The following C7orf33 variants were observed in gnomAD, a reference collection of about 807,000 sequenced individuals.
C7orf33 encodes chromosome 7 open reading frame 33, also known as uncharacterized protein C7orf33.
C7orf33 carries 15 observed loss-of-function variants against 13.4 expected under a neutral mutation model. That is an observed-to-expected ratio of 1.12 (90% CI 0.75 to 1.72). The LOEUF (loss-of-function observed/expected upper bound fraction) is 1.72. C7orf33 is among the 40% of genes most tolerant of loss of function. C7orf33 has a pLI of 0.00. For synonymous variants in C7orf33, 73 were observed against 83.2 expected (o/e 0.88, Z 0.67); for missense variants, 187 against 220.3 (o/e 0.85, Z 0.96).
At chr7:148,595,297 A>G (rs906136260) in intron 1 of C7orf33, among the ~76,000 whole-genome samples, 3 of 141,608 alleles carry the variant, frequency 2.1e-5, no homozygotes, top group African/African-American at 7.8e-5. Context: ...TATATATTAT[A>G]TAGATATATA....
At chr7:148,607,641 C>T (rs1025381559) in intron 1 of C7orf33, among the ~76,000 whole-genome samples, 55 of 152,176 alleles carry the variant, frequency 3.6e-4, no homozygotes, top group African/African-American at 1.3e-3. Context: ...AAGACCACAG[C>T]CTTTAGAAAA....
intron 2 of C7orf33, among the ~76,000 whole-genome samples, chr7:148,615,020 G>A (rs537544111): frequency 6.6e-6 from 1 of 152,254 alleles, no homozygotes; most frequent in Non-Finnish European, 1.5e-5. Context: ...ACTGGTGGGA[G>A]CTGGTAGAGA....
chr7:148,598,757 TATATATAGAGAGAGAGAGAGAG>T (rs1429771118), intron 1 of C7orf33, among the ~76,000 whole-genome samples: 127 of 41,288 alleles, frequency 3.1e-3, no homozygotes, highest in African/African-American at 0.015. Context: ...TATATATATA[TATATATAGAGAGAGAGAGAGAG>T]AGAGAGAGAG....
chr7:148,611,014 T>C (rs1276153646), intron 1 of C7orf33, among the ~76,000 whole-genome samples: 2 of 152,138 alleles, frequency 1.3e-5, no homozygotes, highest in African/African-American at 4.8e-5. Flanking sequence ...TAAGATGGTA[T>C]GGGCAGGAGA....
chr7:148,596,934 C>G (rs1239474699), intron 1 of C7orf33, among the ~76,000 whole-genome samples: 3 of 152,182 alleles, frequency 2.0e-5, no homozygotes, highest in Non-Finnish European at 4.4e-5. Context: ...TTCAGATTGG[C>G]TTCTTTCACT....
chr7:148,606,583 AAAAC>A (rs1294817265), intron 1 of C7orf33, among the ~76,000 whole-genome samples: 1 of 152,044 alleles, frequency 6.6e-6, no homozygotes. Flanking sequence ...AGGTCTTTTA[AAAAC>A]AAACAAACAA....
intron 1 of C7orf33, among the ~76,000 whole-genome samples, chr7:148,600,707 T>A (rs1226477756): frequency 1.3e-5 from 2 of 152,172 alleles, no homozygotes; most frequent in Non-Finnish European, 2.9e-5. Flanking sequence ...TCTTTATCCA[T>A]TTTGCCAGGG....
At chr7:148,606,045 A>T (rs143685685) in intron 1 of C7orf33, among the ~76,000 whole-genome samples, 1 of 152,312 alleles carries the variant, frequency 6.6e-6, no homozygotes, top group African/African-American at 2.4e-5. Flanking sequence ...TGCAGGAATC[A>T]TCTGGGCAAG....
At chr7:148,609,874 C>A (rs1410719282) in intron 1 of C7orf33, among the ~76,000 whole-genome samples, 2 of 152,184 alleles carry the variant, frequency 1.3e-5, no homozygotes, top group Non-Finnish European at 2.9e-5. Context: ...CAGTGTCCCC[C>A]ACCTGGAGGG....
intron 1 of C7orf33, among the ~76,000 whole-genome samples, chr7:148,602,982 C>T (rs2116895583): frequency 6.6e-6 from 1 of 152,228 alleles, no homozygotes; most frequent in South Asian, 2.1e-4. Context: ...CTCCAAAAGG[C>T]ATAAAGATCA....
intron 1 of C7orf33, among the ~76,000 whole-genome samples, chr7:148,608,635 A>G (rs1585464344): frequency 6.6e-6 from 1 of 151,150 alleles, no homozygotes; most frequent in Non-Finnish European, 1.5e-5. Context: ...GCCAACATGG[A>G]GAAACCCCGT....
chr7:148,594,177 T>C (rs1161902233), intron 1 of C7orf33, among the ~76,000 whole-genome samples: 3 of 149,804 alleles, frequency 2.0e-5, no homozygotes, highest in East Asian at 1.9e-4. Flanking sequence ...TTTTCTTTTT[T>C]TTTTTTTTTT....
At chr7:148,595,361 C>CT (rs1796318564) in intron 1 of C7orf33, among the ~76,000 whole-genome samples, 4 of 130,200 alleles carry the variant, frequency 3.1e-5, no homozygotes, top group African/African-American at 1.2e-4. Flanking sequence ...ATAGATATAT[C>CT]AAATATAATA....
At chr7:148,613,188 C>G (rs1199336548) in intron 1 of C7orf33, among the ~76,000 whole-genome samples, 1 of 152,202 alleles carries the variant, frequency 6.6e-6, no homozygotes, top group Non-Finnish European at 1.5e-5. Context: ...CTGTTCCACT[C>G]TCTATTTCCA....
Position 148,596,954 on chromosome 7 carries a change from G to A in C7orf33, c.204+5825G>A, listed in dbSNP as rs150346451. ...ATTGGCTTCTTTCACTTAGCGATAT[G>A]CATTTAAGCTTCCTTCAGCCTTTCC... On this transcript the variant is annotated intron_variant, in intron 1 of 2. Coordinates refer to ENST00000307003, the MANE Select transcript of C7orf33 (RefSeq NM_145304.4). Among the ~76,000 whole-genome samples, 529 of 152,266 alleles carry A rather than the reference G, an allele frequency of 3.5e-3. 14 individuals are homozygous for A. Among genetic ancestry groups the A allele is most frequent in the Admixed American group, 0.031 (475 of 15,294 alleles).
chr7:148,598,725 GATATATATATATATATATATATAT>G (rs1161811167), intron 1 of C7orf33, among the ~76,000 whole-genome samples: 3 of 24,396 alleles, frequency 1.2e-4, no homozygotes, highest in East Asian at 1.4e-3. Context: ...TTCATTCCTG[GATATATATATATATATATATATAT>G]ATATATATAT....
chr7:148,605,465 A>G lies in C7orf33; in HGVS notation c.205-8577A>G, dbSNP rs551971290. Among the ~76,000 whole-genome samples, 7 of 152,350 alleles carry G rather than the reference A, an allele frequency of 4.6e-5. No homozygotes were observed. In the South Asian group the frequency reaches 1.5e-3, roughly 32 times the overall value. On this transcript the variant is annotated intron_variant, in intron 1 of 2. Transcript: ENST00000307003. ...GGAGCAAAAGGGAGACTGCAAGGCT[A>G]GAGGAGGAGGAAAGGATGAGTTTCC...
chr7:148,610,389 T>G (rs923873104), intron 1 of C7orf33, among the ~76,000 whole-genome samples: 1 of 152,118 alleles, frequency 6.6e-6, no homozygotes, highest in African/African-American at 2.4e-5. Flanking sequence ...AAGACTAGAC[T>G]GGCCTAGCTT....
At chr7:148,599,544 G>C (rs1796389823) in intron 1 of C7orf33, among the ~76,000 whole-genome samples, 2 of 146,272 alleles carry the variant, frequency 1.4e-5, no homozygotes, top group African/African-American at 5.1e-5. Flanking sequence ...CATGGTCTCA[G>C]CTCACTGCAA....
Sources: gnomAD v4.1 joint callset for allele counts (sites outside exome capture counted in the v4.1 genomes callset) on GRCh38, gnomAD v4.1.1 for gene constraint, MANE v1.5 for transcripts, NCBI Gene and HGNC (gene_info 2026-07-23, HGNC 2026-07-21) for gene names.